SOX5: variants seen among roughly 807,000 people sequenced by gnomAD.
SOX5 encodes transcription factor SOX-5.
In SOX5, 9 loss-of-function variants were observed where a neutral mutation model predicts 92.0. The observed-to-expected ratio is 0.10, with a 90% CI of 0.06 to 0.17. SOX5 has a LOEUF of 0.17. Among genes scored for constraint, SOX5 ranks in the 10% least tolerant of loss-of-function variants. The probability of loss-of-function intolerance (pLI) is 1.00; values close to 1 mark genes in which losing one functional copy is unlikely to be tolerated. For missense variants in SOX5, 642 were observed against 944.5 expected (o/e 0.68, Z 4.20); for synonymous variants, 344 against 336.3 (o/e 1.02, Z -0.25).
chr12:24,227,692 A>T (rs919958256), intron 3 of SOX5: 90 of 152,252 alleles, frequency 5.9e-4, no homozygotes, highest in African/African-American at 2.1e-3. Flanking sequence ...CTGTCTCATC[A>T]TCTAATTATC....
At chr12:23,928,487 A>T (rs1341375098) in intron 1 of SOX5, among the ~76,000 whole-genome samples, 5 of 152,058 alleles carry the variant, frequency 3.3e-5, no homozygotes, top group Admixed American at 2.0e-4. Context: ...TGAATTTCTA[A>T]GCATATAAAA....
chr12:23,731,470 A>G (rs1567298114), intron 6 of SOX5, among the ~76,000 whole-genome samples: 1 of 152,220 alleles, frequency 6.6e-6, no homozygotes, highest in African/African-American at 2.4e-5. Context: ...GTATTAGAGT[A>G]TGTAAATGTT....
At chr12:23,591,733 G>C (rs1951586179) in intron 9 of SOX5, among the ~76,000 whole-genome samples, 1 of 152,130 alleles carries the variant, frequency 6.6e-6, no homozygotes, top group African/African-American at 2.4e-5. Flanking sequence ...GTGAAACTTT[G>C]ATCCTCAGAA....
intron 9 of SOX5, among the ~76,000 whole-genome samples, chr12:23,587,702 C>T (rs1013360265): frequency 2.0e-5 from 3 of 152,006 alleles, no homozygotes; most frequent in Non-Finnish European, 2.9e-5. Context: ...ATACATATTT[C>T]GAATAAACAC....
chr12:24,439,874 AC>A (rs1224619885), intron 1 of SOX5, among the ~76,000 whole-genome samples: 1 of 152,032 alleles, frequency 6.6e-6, no homozygotes, highest in Non-Finnish European at 1.5e-5. Flanking sequence ...CAGCCTGGGC[AC>A]CAGAGCAAGA....
At chr12:23,562,927 C>A (rs1453979155) in intron 11 of SOX5, among the ~76,000 whole-genome samples, 2 of 152,184 alleles carry the variant, frequency 1.3e-5, no homozygotes, top group Non-Finnish European at 2.9e-5. Context: ...TCCAGCTCAT[C>A]CCCAAATACA....
chr12:24,071,887 G>C (rs1313576691), intron 4 of SOX5, among the ~76,000 whole-genome samples: 1 of 152,206 alleles, frequency 6.6e-6, no homozygotes, highest in Admixed American at 6.5e-5. Flanking sequence ...TTCCATGATA[G>C]CATCTGCAGA....
chr12:24,377,982 T>C (rs1957455961), intron 1 of SOX5, among the ~76,000 whole-genome samples: 1 of 152,224 alleles, frequency 6.6e-6, no homozygotes, highest in South Asian at 2.1e-4. Context: ...TTCCAGACTT[T>C]TCATGTAAAA....
chr12:24,516,001 T>C (rs1158058588), intron 1 of SOX5, among the ~76,000 whole-genome samples: 1 of 151,836 alleles, frequency 6.6e-6, no homozygotes, highest in African/African-American at 2.4e-5. Context: ...AAAATAGACA[T>C]GGAGTAGTTT....
At chr12:24,456,479 C>T (rs1943032952) in intron 1 of SOX5, among the ~76,000 whole-genome samples, 1 of 152,156 alleles carries the variant, frequency 6.6e-6, no homozygotes, top group Admixed American at 6.5e-5. Context: ...TTTAAGGCAT[C>T]AGGGTGGTTG....
intron 8 of SOX5, 104 bp downstream of exon 8, chr12:23,640,708 G>A: frequency 2.6e-6 from 2 of 774,474 alleles, no homozygotes; most frequent in Non-Finnish European, 4.5e-6. Context: ...AACAGAAAGT[G>A]TGAGACGAAT....
intron 2 of SOX5, among the ~76,000 whole-genome samples, chr12:23,853,551 T>TTC: frequency 6.6e-6 from 1 of 151,776 alleles, no homozygotes; most frequent in South Asian, 2.1e-4. Context: ...GTGTTTTTTT[T>TTC]TTTTTTTTTT....
chr12:23,781,323 C>T (rs2095274535), intron 3 of SOX5, among the ~76,000 whole-genome samples: 1 of 151,584 alleles, frequency 6.6e-6, no homozygotes, highest in African/African-American at 2.4e-5. Flanking sequence ...CTAAAAGCTG[C>T]CTCCCTTTCT....
At chr12:24,408,809 TA>T (rs1297423547) in intron 1 of SOX5, among the ~76,000 whole-genome samples, 2 of 152,292 alleles carry the variant, frequency 1.3e-5, no homozygotes, top group East Asian at 3.9e-4. Flanking sequence ...TGGCAATTAT[TA>T]AAAAGTCAGG....
At chr12:24,242,639 A>G (rs77092301) in intron 3 of SOX5, among the ~76,000 whole-genome samples, 1,863 of 152,008 alleles carry the variant, frequency 0.012, 42 homozygotes, top group African/African-American at 0.043. Context: ...GAAAACTCCA[A>G]TAAGATATCA....
At chr12:24,440,594 TTGTGTGTGTG>T (rs56082162) in intron 1 of SOX5, among the ~76,000 whole-genome samples, 2,474 of 139,716 alleles carry the variant, frequency 0.018, 23 homozygotes, top group Middle Eastern at 0.038. Flanking sequence ...ACATGATCCT[TTGTGTGTGTG>T]TGTGTGTGTG....
chr12:24,450,310 T>G (rs1028309957), intron 1 of SOX5, among the ~76,000 whole-genome samples: 5 of 152,166 alleles, frequency 3.3e-5, no homozygotes, highest in African/African-American at 1.2e-4. Context: ...TTTTCCATTA[T>G]TTGACCATAG....
At chr12:24,130,305 G>T (rs1949523203) in intron 4 of SOX5, among the ~76,000 whole-genome samples, 1 of 152,156 alleles carries the variant, frequency 6.6e-6, no homozygotes, top group African/African-American at 2.4e-5. Flanking sequence ...AATGTGGGTG[G>T]TCACTATGTC....
intron 3 of SOX5, among the ~76,000 whole-genome samples, chr12:23,832,018 A>G (rs2096334119): frequency 6.6e-6 from 1 of 151,374 alleles, no homozygotes; most frequent in African/African-American, 2.4e-5. Flanking sequence ...ACACAAAAGG[A>G]AGGAAAAGAA....
Sources: gnomAD v4.1 joint callset for allele counts (sites outside exome capture counted in the v4.1 genomes callset) on GRCh38, gnomAD v4.1.1 for gene constraint, MANE v1.5 for transcripts, NCBI Gene and HGNC (gene_info 2026-07-23, HGNC 2026-07-21) for gene names.